WDFY2: variants seen among roughly 807,000 people sequenced by gnomAD.
WDFY2 encodes the protein WD repeat and FYVE domain containing 2.
In WDFY2, 36 loss-of-function variants were observed where a neutral mutation model predicts 56.4. The ratio of observed to expected loss-of-function variants is 0.64; its 90% CI spans 0.49 to 0.84. WDFY2 has a LOEUF of 0.84. WDFY2 is among the 40% of genes least tolerant of loss of function. WDFY2 has a pLI of 0.00. For missense variants in WDFY2, 444 were observed against 512.2 expected (o/e 0.87, Z 1.29); for synonymous variants, 176 against 183.7 (o/e 0.96, Z 0.34).
At chr13:51,614,161 G>A (rs1444845258) in intron 1 of WDFY2, among the ~76,000 whole-genome samples, 3 of 148,578 alleles carry the variant, frequency 2.0e-5, no homozygotes, top group Admixed American at 1.3e-4. Context: ...ACCCCAGCCT[G>A]GGCGACAGTG....
At chr13:51,714,172 C>G (rs1046571059) in intron 4 of WDFY2, among the ~76,000 whole-genome samples, 1 of 150,526 alleles carries the variant, frequency 6.6e-6, no homozygotes, top group African/African-American at 2.5e-5. Flanking sequence ...AGTGAAGTAT[C>G]TGAAACATAG....
chr13:51,605,829 C>T (rs1340920317), intron 1 of WDFY2, among the ~76,000 whole-genome samples: 4 of 152,150 alleles, frequency 2.6e-5, no homozygotes, highest in Non-Finnish European at 4.4e-5. Context: ...TCCTTGGGGA[C>T]GAATGGTCAC....
chr13:51,702,672 G>GTAAA (rs1245566496), intron 3 of WDFY2, among the ~76,000 whole-genome samples: 1 of 152,118 alleles, frequency 6.6e-6, no homozygotes, highest in Non-Finnish European at 1.5e-5. Context: ...AAGGCATTTA[G>GTAAA]GTGTCTGTCT....
chr13:51,759,936 G>A lies in WDFY2; in HGVS notation c.*167G>A. ...TGCACAGTGGGGACCTGGCCAGTGA[G>A]CACTCGCAAGGGGACTCTTCCAACT... On this transcript the variant is annotated 3_prime_UTR_variant, in exon 12 of 12. Transcript: ENST00000298125. The A allele has an allele frequency of 3.2e-6, 2 of 622,124 alleles. No individual in the cohort carries two copies. Among genetic ancestry groups the A allele is most frequent in the South Asian group, 4.8e-5 (2 of 41,544 alleles). The allele number at this position is 622,124 out of a possible 1,614,324, so 38.5% of individuals were successfully genotyped here. A position where few individuals can be genotyped will look rare whatever the true frequency, so the allele number is the denominator to read the frequency against.
At chr13:51,634,106 A>C (rs945468474) in intron 1 of WDFY2, among the ~76,000 whole-genome samples, 1 of 152,332 alleles carries the variant, frequency 6.6e-6, no homozygotes, top group East Asian at 1.9e-4. Flanking sequence ...TCAGCTCCAA[A>C]ATGGACATGA....
At chr13:51,698,858 A>G (rs1951927889) in intron 3 of WDFY2, among the ~76,000 whole-genome samples, 2 of 152,250 alleles carry the variant, frequency 1.3e-5, no homozygotes, top group Admixed American at 1.3e-4. Context: ...GATAAAATTC[A>G]AAGGCAGACT....
Position 51,767,584 on chromosome 13 carries a change from G to A in WDFY2, c.*7815G>A, listed in dbSNP as rs1953789547. On this transcript the variant is annotated 3_prime_UTR_variant, in exon 12 of 12. Transcript: ENST00000298125. ...ACAACTTTTCCTGGAGTCACTAAGAGGTAAAATGGTGTAAATTAGAGGTTT... is the reference window on the plus strand; with the variant it reads ...ACAACTTTTCCTGGAGTCACTAAGAAGTAAAATGGTGTAAATTAGAGGTTT... 2.0e-5 allele frequency: 3 copies of A among 152,860 alleles called. No homozygotes were observed. Among genetic ancestry groups the A allele is most frequent in the Admixed American group, 1.9e-4 (3 of 15,386 alleles). 9.5% of individuals were successfully genotyped at this position (152,860 alleles called of 1,614,324 possible).
intron 3 of WDFY2, among the ~76,000 whole-genome samples, chr13:51,675,630 T>A (rs1258579942): frequency 1.3e-5 from 2 of 152,238 alleles, no homozygotes; most frequent in Non-Finnish European, 2.9e-5. Context: ...CTTTCCCTTA[T>A]GTCTGCATGT....
intron 3 of WDFY2, among the ~76,000 whole-genome samples, chr13:51,701,127 GTTCCA>G (rs1477261549): frequency 6.6e-6 from 1 of 152,168 alleles, no homozygotes; most frequent in African/African-American, 2.4e-5. Flanking sequence ...ACAACTGTAC[GTTCCA>G]TAATACTTAT....
Position 51,584,668 on chromosome 13 carries a change from C to T in WDFY2, c.-20C>T. 1.2e-6 allele frequency: 2 copies of T among 1,605,062 alleles called. No homozygotes were observed. The highest frequency in any genetic ancestry group is 1.7e-6 in the Non-Finnish European group (2 of 1,176,836). On this transcript the variant is annotated 5_prime_UTR_variant, in exon 1 of 12. Coordinates refer to ENST00000298125, the MANE Select transcript of WDFY2 (RefSeq NM_052950.4). ...CGCGGCGCGGTTGGCGGCGGCGCCC[C>T]AGGCGCGCCCCCTCCTCCGATGGCG...
At chr13:51,632,310 A>G (rs1378256501) in intron 1 of WDFY2, among the ~76,000 whole-genome samples, 1 of 152,082 alleles carries the variant, frequency 6.6e-6, no homozygotes, top group Non-Finnish European at 1.5e-5. Flanking sequence ...CTGAATGAAT[A>G]ATTATATTCT....
intron 5 of WDFY2, among the ~76,000 whole-genome samples, chr13:51,721,846 A>T (rs1406667089): frequency 6.6e-6 from 1 of 152,206 alleles, no homozygotes; most frequent in Admixed American, 6.5e-5. Context: ...GTCTCAGCCA[A>T]GAACCACGTG....
chr13:51,690,440 G>T (rs1956133461), intron 3 of WDFY2, among the ~76,000 whole-genome samples: 1 of 147,552 alleles, frequency 6.8e-6, no homozygotes, highest in Non-Finnish European at 1.5e-5. Context: ...GTGAGAATAT[G>T]TGGTGTTTGG....
At chr13:51,710,024 T>A (rs2138601336) in intron 4 of WDFY2, among the ~76,000 whole-genome samples, 1 of 152,244 alleles carries the variant, frequency 6.6e-6, no homozygotes, top group African/African-American at 2.4e-5. Flanking sequence ...TGAACATCAG[T>A]GCAAAAATCC....
chr13:51,689,192 T>C (rs1956108049), intron 3 of WDFY2, among the ~76,000 whole-genome samples: 1 of 152,112 alleles, frequency 6.6e-6, no homozygotes, highest in Admixed American at 6.6e-5. Context: ...GCCAACTGCA[T>C]ATGGTTACTT....
rs538349201 is a variant in WDFY2 at position 51,734,438 on chromosome 13, T to TG, written c.599-4608dup. On this transcript the variant is annotated intron_variant, in intron 6 of 11. Transcript: ENST00000298125. ...AAATAGTTGAAATAAGATACATACG[T>TG]GGGAGATATTAGCCAACCACTAACA... Among the ~76,000 whole-genome samples, 33 of 152,280 alleles carry TG rather than the reference T, an allele frequency of 2.2e-4. No homozygotes were observed. In the South Asian group the frequency reaches 5.8e-3, roughly 27 times the overall value.
intron 2 of WDFY2, 124 bp from the exon 3 acceptor site, chr13:51,675,046 A>T: frequency 1.3e-6 from 1 of 790,398 alleles, no homozygotes. Flanking sequence ...AGTGGATGTT[A>T]AATGAAATGT....
intron 3 of WDFY2, among the ~76,000 whole-genome samples, chr13:51,698,506 C>T (rs1951920776): frequency 6.6e-6 from 1 of 152,138 alleles, no homozygotes; most frequent in Non-Finnish European, 1.5e-5. Context: ...ACTAAAATAG[C>T]AGTGATTACC....
chr13:51,602,467 G>A (rs767831140), intron 1 of WDFY2, among the ~76,000 whole-genome samples: 9 of 152,200 alleles, frequency 5.9e-5, no homozygotes, highest in Non-Finnish European at 1.3e-4. Context: ...TATGATGTTT[G>A]CACATTGATG....
Sources: allele counts gnomAD v4.1 joint callset (sites outside exome capture counted in the v4.1 genomes callset), GRCh38; gene constraint gnomAD v4.1.1; transcripts MANE v1.5; gene names NCBI Gene and HGNC (gene_info 2026-07-23, HGNC 2026-07-21).